Variants in DDI2 observed in about 807,000 individuals in gnomAD.
DDI2 encodes protein DDI1 homolog 2.
DDI2 carries 5 observed loss-of-function variants against 48.1 expected under a neutral mutation model. The ratio of observed to expected loss-of-function variants is 0.10; its 90% CI spans 0.05 to 0.22. The LOEUF (loss-of-function observed/expected upper bound fraction) is 0.22, where lower values mean the gene tolerates loss of function less well. Among genes scored for constraint, DDI2 ranks in the 10% least tolerant of loss-of-function variants. The pLI is 1.00. For synonymous variants in DDI2, 205 were observed against 183.6 expected, an observed-to-expected ratio of 1.12 and a Z score of -0.94; for missense variants, 285 against 506.2, an observed-to-expected ratio of 0.56 and a Z score of 4.19.
rs113475102 is a variant in DDI2, at chr1:15,632,029, C to T, written c.506-1410C>T. Among the ~76,000 whole-genome samples the T allele has an allele frequency of 5.9e-3, 896 of 151,862 alleles. 9 individuals carry two copies. Among genetic ancestry groups the T allele is most frequent in the African/African-American group, 0.02 (842 of 41,434 alleles). ...CCATGTTGGCCAGGCTGGTCTCAAA[C>T]TCCTGACCTCGTGATCCACCCGTCT... On this transcript the variant is annotated intron_variant, in intron 3 of 9. Transcript: ENST00000480945.
chr1:15,633,149 G>A (rs1639873828), intron 3 of DDI2, among the ~76,000 whole-genome samples: 1 of 151,742 alleles, frequency 6.6e-6, no homozygotes, highest in Non-Finnish European at 1.5e-5. Context: ...GGCTGGTCTC[G>A]AACTCCTAGG....
rs1056485895 is a variant in DDI2 at position 15,638,734 on chromosome 1, C to T, written c.760+300C>T. Among the ~76,000 whole-genome samples, 3 of 151,932 alleles carry T rather than the reference C, an allele frequency of 2.0e-5. No individual in the cohort carries two copies. The South Asian group carries it at 6.2e-4, about 32-fold the overall frequency. On this transcript the variant is annotated intron_variant, in intron 5 of 9. Transcript: ENST00000480945. ...ATTTTTAGTAGAGATGGGGTTTCAC[C>T]GTGTTGGTCAGGCTGGTCTTGAACT...
chr1:15,660,468 A>G lies in DDI2; in HGVS notation c.*678A>G, dbSNP rs1171857719. 1 of 1,614,122 alleles carries G rather than the reference A, an allele frequency of 6.2e-7. No individual in the cohort carries two copies. Among genetic ancestry groups the G allele is most frequent in the Non-Finnish European group, 8.5e-7 (1 of 1,180,018 alleles). The stretch of plus-strand genomic sequence containing the variant: ...ACATAGGGGACCTTGAGCTTCCTGA[A>G]GAAAGGCAACAGAATCAACACAAAA... On this transcript the variant is annotated 3_prime_UTR_variant, in exon 10 of 10. Transcript: ENST00000480945.
intron 6 of DDI2, among the ~76,000 whole-genome samples, chr1:15,649,305 T>A (rs374405166): frequency 2.2e-4 from 34 of 151,998 alleles, no homozygotes; most frequent in African/African-American, 7.2e-4. Flanking sequence ...GAGGTTGCAG[T>A]GAGCCGAGAT....
intron 1 of DDI2, among the ~76,000 whole-genome samples, chr1:15,621,439 CA>C (rs1194861869): frequency 6.6e-6 from 1 of 152,042 alleles, no homozygotes; most frequent in East Asian, 1.9e-4. Flanking sequence ...GTCACCTAGG[CA>C]GTAGTGCGCT....
intron 6 of DDI2, among the ~76,000 whole-genome samples, chr1:15,649,343 C>T (rs1376215081): frequency 6.6e-6 from 1 of 151,726 alleles, no homozygotes; most frequent in Non-Finnish European, 1.5e-5. Context: ...GCCTGGGCAA[C>T]AGAGCAAGAC....
chr1:15,644,426 A>G (rs566238261), intron 6 of DDI2, among the ~76,000 whole-genome samples: 9 of 152,058 alleles, frequency 5.9e-5, no homozygotes, highest in African/African-American at 1.9e-4. Flanking sequence ...TTTTTTCCCT[A>G]CATTATACTG....
At chr1:15,643,310 A>G (rs1640039442) in intron 5 of DDI2, among the ~76,000 whole-genome samples, 1 of 152,220 alleles carries the variant, frequency 6.6e-6, no homozygotes, top group Admixed American at 6.5e-5. Context: ...TTCTTCCCTC[A>G]ATGTCAAATT....
Position 15,660,992 on chromosome 1 carries a change from C to T in DDI2, c.*1202C>T, listed in dbSNP as rs560288315. ...AGTAAACCAGCTTCAGAAAATACAT[C>T]TGAAGAAGTAATCTGTCAATCAGAA... On this transcript the variant is annotated 3_prime_UTR_variant, in exon 10 of 10. Coordinates refer to ENST00000480945, the MANE Select transcript of DDI2 (RefSeq NM_032341.5). 2.9e-5 allele frequency: 46 copies of T among 1,613,982 alleles called. No individual in the cohort carries two copies. In the East Asian group the frequency reaches 1.0e-3, roughly 36 times the overall value.
At chr1:15,644,141 C>T (rs1640050141) in intron 6 of DDI2, among the ~76,000 whole-genome samples, 1 of 152,196 alleles carries the variant, frequency 6.6e-6, no homozygotes, top group South Asian at 2.1e-4. Context: ...ATGTAAATCT[C>T]CCTTCAAGCA....
At chr1:15,630,185 C>G in intron 2 of DDI2, 140 bp from the exon 3 acceptor site, 1 of 767,216 alleles carries the variant, frequency 1.3e-6, no homozygotes, top group East Asian at 2.5e-5. Flanking sequence ...TCAGAGTCAT[C>G]ATGAGAAAGA....
At chr1:15,646,883 G>GA (rs1031584656) in intron 6 of DDI2, among the ~76,000 whole-genome samples, 5 of 152,106 alleles carry the variant, frequency 3.3e-5, no homozygotes, top group East Asian at 3.9e-4. Context: ...TGAGATGAAG[G>GA]AAAAAAACAT....
intron 2 of DDI2, 39 bp downstream of exon 2, chr1:15,626,837 A>G (rs1444320953): frequency 6.2e-7 from 1 of 1,613,722 alleles, no homozygotes; most frequent in Non-Finnish European, 8.5e-7. Flanking sequence ...CAGCAGAACC[A>G]TCAGCAGGTA....
Position 15,666,603 on chromosome 1 carries a change from A to G in DDI2, c.*6813A>G, listed in dbSNP as rs1032638441. The G allele has an allele frequency of 1.3e-5, 2 of 152,340 alleles. No homozygotes were observed. The highest frequency in any genetic ancestry group is 4.1e-4 in the South Asian group (2 of 4,830). The allele number at this position is 152,340 out of a possible 1,614,324, so 9.4% of individuals were successfully genotyped here. ...GTACTCTTGAAGGCTATGCAACATGAGTCTTTGAACAAGAATTCCTTGCTA... is the reference window on the plus strand; with the variant it reads ...GTACTCTTGAAGGCTATGCAACATGGGTCTTTGAACAAGAATTCCTTGCTA... On this transcript the variant is annotated 3_prime_UTR_variant, in exon 10 of 10. Transcript: ENST00000480945.
chr1:15,649,827 A>G lies in DDI2; in HGVS notation c.993+4A>G, dbSNP rs1476226924. 6 of 1,602,374 alleles carry G rather than the reference A, an allele frequency of 3.7e-6. No individual in the cohort carries two copies. Among genetic ancestry groups the G allele is most frequent in the Non-Finnish European group, 5.1e-6 (6 of 1,176,768 alleles). ...GGACATGCTTAAACGGCACCAGGTA[A>G]TTAAGAGCTTCACTTATTTTTTTTG... On this transcript the variant is annotated splice_donor_region_variant and intron_variant, in intron 7 of 9. Transcript: ENST00000480945.
rs188990955 is a variant in DDI2 at position 15,662,938 on chromosome 1, G to C, written c.*3148G>C. The C allele has an allele frequency of 6.6e-6, 1 of 152,158 alleles. No homozygotes were observed. Among genetic ancestry groups the C allele is most frequent in the Non-Finnish European group, 1.5e-5 (1 of 67,990 alleles). The allele number at this position is 152,158 out of a possible 1,614,324, so 9.4% of individuals were successfully genotyped here. A position where few individuals can be genotyped will look rare whatever the true frequency, so the allele number is the denominator to read the frequency against. On this transcript the variant is annotated 3_prime_UTR_variant, in exon 10 of 10. Coordinates refer to ENST00000480945, the MANE Select transcript of DDI2 (RefSeq NM_032341.5). ...GTGTTTACCATGTCAAGTTAGAGTG[G>C]GGCATAATATATAGATGTATTTATT...
Position 15,656,683 on chromosome 1 carries a change from T to C in DDI2, c.*46+4T>C. Reference sequence around the variant, plus strand: ...GCTGGAGTGGGCCCCAGACCAGGTATTTATAGACACCATGTTAAGCCTTCC... The same window carrying C: ...GCTGGAGTGGGCCCCAGACCAGGTACTTATAGACACCATGTTAAGCCTTCC... On this transcript the variant is annotated splice_donor_region_variant and intron_variant, in intron 9 of 9. Coordinates refer to ENST00000480945, the MANE Select transcript of DDI2 (RefSeq NM_032341.5). 1 of 1,614,094 alleles carries C rather than the reference T, an allele frequency of 6.2e-7. No homozygotes were observed. The highest frequency in any genetic ancestry group is 8.5e-7 in the Non-Finnish European group (1 of 1,179,954).
chr1:15,664,295 G>A lies in DDI2; in HGVS notation c.*4505G>A, dbSNP rs1050913996. On this transcript the variant is annotated 3_prime_UTR_variant, in exon 10 of 10. Transcript: ENST00000480945. ...AAATACAAAAAATTAGCTGGGCATG[G>A]TGGCACACGCCTGTAATCCCAGCTA... 1 of 152,054 alleles carries A rather than the reference G, an allele frequency of 6.6e-6. No individual in the cohort carries two copies. The highest frequency in any genetic ancestry group is 2.4e-5 in the African/African-American group (1 of 41,400). 9.4% of individuals were successfully genotyped at this position (152,054 alleles called of 1,614,324 possible).
chr1:15,641,955 CA>C (rs57716922), intron 5 of DDI2, among the ~76,000 whole-genome samples: 1,803 of 79,350 alleles, frequency 0.023, 13 homozygotes, highest in African/African-American at 0.063. Context: ...AATTCAGTCT[CA>C]AAAAAAAAAA....
Sources: allele counts gnomAD v4.1 joint callset (sites outside exome capture counted in the v4.1 genomes callset), GRCh38; gene constraint gnomAD v4.1.1; transcripts MANE v1.5; gene names NCBI Gene and HGNC (gene_info 2026-07-23, HGNC 2026-07-21).